Variants in TDRD3 observed in about 807,000 individuals in gnomAD.
TDRD3 encodes the protein tudor domain containing 3.
A neutral mutation model predicts 86.7 loss-of-function variants in TDRD3; 45 were observed. The observed-to-expected ratio is 0.52, with a 90% CI of 0.41 to 0.67. TDRD3 has a LOEUF of 0.67. Among genes scored for constraint, TDRD3 ranks in the 30% least tolerant of loss-of-function variants. The pLI is 0.00. For synonymous variants in TDRD3, 298 were observed against 301.7 expected (o/e 0.99, Z 0.13); for missense variants, 814 against 889.0 (o/e 0.92, Z 1.07).
chr13:60,481,420 C>G (rs1956315814), intron 5 of TDRD3, among the ~76,000 whole-genome samples: 2 of 150,034 alleles, frequency 1.3e-5, no homozygotes, highest in Admixed American at 6.6e-5. Flanking sequence ...CAACCAGTCA[C>G]TGAAGATCTA....
At chr13:60,429,711 C>T (rs948601180) in intron 1 of TDRD3, among the ~76,000 whole-genome samples, 6 of 152,060 alleles carry the variant, frequency 3.9e-5, no homozygotes, top group African/African-American at 1.4e-4. Context: ...TGTGAGTAGC[C>T]TGCTAGAAAT....
chr13:60,459,469 C>T (rs1359622294), intron 3 of TDRD3, among the ~76,000 whole-genome samples: 2 of 152,116 alleles, frequency 1.3e-5, no homozygotes, highest in Non-Finnish European at 1.5e-5. Flanking sequence ...GATTTAATAT[C>T]GAAGTTAAAG....
chr13:60,535,430 C>A, intron 12 of TDRD3, 197 bp downstream of exon 12: 2 of 470,066 alleles, frequency 4.3e-6, no homozygotes, highest in Non-Finnish European at 6.5e-6. Flanking sequence ...CATTGAATTA[C>A]TTTTCTTGTA....
intron 12 of TDRD3, 52 bp downstream of exon 12, chr13:60,535,285 A>G (rs1184931764): frequency 6.5e-7 from 1 of 1,541,434 alleles, no homozygotes; most frequent in East Asian, 2.4e-5. Flanking sequence ...AAGAAAATAT[A>G]TAGCTCTAAA....
intron 3 of TDRD3, among the ~76,000 whole-genome samples, chr13:60,455,275 A>G (rs529368272): frequency 6.6e-6 from 1 of 152,342 alleles, no homozygotes; most frequent in African/African-American, 2.4e-5. Context: ...TGACAGAGAA[A>G]GTAGGTAAAA....
In TDRD3 at chr13:60,509,886, A is replaced by G; in HGVS notation, c.982A>G (p.Lys328Glu). The G allele has an allele frequency of 6.2e-7, 1 of 1,613,732 alleles. No homozygotes were observed. Among genetic ancestry groups the G allele is most frequent in the East Asian group, 2.2e-5 (1 of 44,866 alleles). ...ACTGAACGTACTTCTTACAAGCAAT[A>G]AACAGAAACCTGTTATGGGTCCTCC... ...AALNVLLTSN[K>E]QKPVMGPPLR... Residue 328 changes from lysine (K) to glutamate (E), a missense_variant, in exon 9 of 14, where the codon AAA (lysine) becomes GAA (glutamate). Physicochemically the swap from Lys to Glu is moderately conservative, Grantham distance 56. Coordinates refer to ENST00000377881, the MANE Select transcript of TDRD3 (RefSeq NM_001146070.2).
upstream of TDRD3, chr13:60,396,527 G>A (rs1340285172): frequency 6.5e-6 from 1 of 152,684 alleles, no homozygotes; most frequent in African/African-American, 2.4e-5. Flanking sequence ...GTGGTTGCCA[G>A]ATCTGGCAGT....
chr13:60,420,884 C>T (rs1454850629), intron 1 of TDRD3, among the ~76,000 whole-genome samples: 1 of 152,122 alleles, frequency 6.6e-6, no homozygotes, highest in African/African-American at 2.4e-5. Context: ...GCGGAGCTTG[C>T]AGTGAGCCGA....
At chr13:60,424,816 G>A (rs1422895041) in intron 1 of TDRD3, among the ~76,000 whole-genome samples, 1 of 152,062 alleles carries the variant, frequency 6.6e-6, no homozygotes, top group Non-Finnish European at 1.5e-5. Context: ...CTAGACCCTG[G>A]CAACTTCTCA....
At chr13:60,462,402 T>G (rs1302138441) in intron 4 of TDRD3, among the ~76,000 whole-genome samples, 1 of 152,236 alleles carries the variant, frequency 6.6e-6, no homozygotes, top group African/African-American at 2.4e-5. Flanking sequence ...AAATTAATCG[T>G]CGTATGCTCT....
At chr13:60,439,391 T>C (rs748585924) in intron 1 of TDRD3, among the ~76,000 whole-genome samples, 3 of 152,178 alleles carry the variant, frequency 2.0e-5, no homozygotes, top group Non-Finnish European at 1.5e-5. Flanking sequence ...ATTTGTATAA[T>C]AGCAAAGAGC....
At chr13:60,523,965 T>C (rs1318036747) in intron 10 of TDRD3, among the ~76,000 whole-genome samples, 1 of 152,118 alleles carries the variant, frequency 6.6e-6, no homozygotes, top group Non-Finnish European at 1.5e-5. Context: ...TTGTGCTTTT[T>C]TTTTTCCACC....
intron 5 of TDRD3, among the ~76,000 whole-genome samples, chr13:60,478,759 T>G (rs975482315): frequency 1.3e-5 from 2 of 152,020 alleles, no homozygotes; most frequent in Admixed American, 6.6e-5. Flanking sequence ...TTCTTTTTAT[T>G]CTTGTTCTTC....
chr13:60,444,168 A>G (rs897948949), intron 2 of TDRD3, among the ~76,000 whole-genome samples: 1 of 151,946 alleles, frequency 6.6e-6, no homozygotes, highest in African/African-American at 2.4e-5. Flanking sequence ...ACTATAGTAA[A>G]GGTTACTATA....
intron 7 of TDRD3, among the ~76,000 whole-genome samples, chr13:60,487,616 A>G (rs570094477): frequency 4.1e-4 from 62 of 152,278 alleles, no homozygotes; most frequent in African/African-American, 1.2e-3. Context: ...TCCTAGAACC[A>G]ATCCCTCACG....
intron 1 of TDRD3, among the ~76,000 whole-genome samples, chr13:60,399,725 T>C (rs573540851): frequency 3.3e-5 from 5 of 152,242 alleles, no homozygotes; most frequent in Non-Finnish European, 7.3e-5. Flanking sequence ...ACTTAGTTAC[T>C]TGTAGAAGCT....
At chr13:60,517,825 A>C (rs1356877849) in intron 10 of TDRD3, among the ~76,000 whole-genome samples, 1 of 152,244 alleles carries the variant, frequency 6.6e-6, no homozygotes, top group African/African-American at 2.4e-5. Context: ...TCAACAAAAA[A>C]GTACAGATTC....
intron 8 of TDRD3, among the ~76,000 whole-genome samples, chr13:60,502,199 G>T (rs1193589104): frequency 6.6e-6 from 1 of 152,170 alleles, no homozygotes; most frequent in Admixed American, 6.5e-5. Flanking sequence ...GACAGAATTT[G>T]CAGGATAATT....
At chr13:60,539,101 T>G (rs1595089285) in intron 12 of TDRD3, among the ~76,000 whole-genome samples, 3 of 152,264 alleles carry the variant, frequency 2.0e-5, no homozygotes, top group South Asian at 4.1e-4. Context: ...TCTTGGCCAG[T>G]AATTCTGGAA....
Sources: gnomAD v4.1 joint callset for allele counts (sites outside exome capture counted in the v4.1 genomes callset) on GRCh38, gnomAD v4.1.1 for gene constraint, MANE v1.5 for transcripts, NCBI Gene and HGNC (gene_info 2026-07-23, HGNC 2026-07-21) for gene names.